CDKAL1: variants seen among roughly 807,000 people sequenced by gnomAD.
CDKAL1 encodes threonylcarbamoyladenosine tRNA methylthiotransferase.
Under a neutral mutation model 68.2 loss-of-function variants are expected in CDKAL1, and 32 were observed. The observed-to-expected ratio is 0.47, with a 90% CI of 0.35 to 0.63. The LOEUF (loss-of-function observed/expected upper bound fraction) is 0.63, where lower values mean the gene tolerates loss of function less well. Ranked by LOEUF, CDKAL1 falls within the 30% of genes least tolerant of loss-of-function variation. CDKAL1 has a pLI of 0.00. For missense variants in CDKAL1, 606 were observed against 696.7 expected (o/e 0.87, Z 1.47); for synonymous variants, 234 against 244.3 (o/e 0.96, Z 0.39).
chr6:20,738,537 A>G (rs1347298027), intron 5 of CDKAL1, among the ~76,000 whole-genome samples: 2 of 133,818 alleles, frequency 1.5e-5, no homozygotes, highest in East Asian at 2.2e-4. Context: ...TGCCCAGGCT[A>G]GAATACAGTG....
At chr6:21,035,902 T>C (rs1323427052) in intron 11 of CDKAL1, among the ~76,000 whole-genome samples, 1 of 152,192 alleles carries the variant, frequency 6.6e-6, no homozygotes, top group Admixed American at 6.5e-5. Context: ...AGATTCTACT[T>C]CCTCTATTTG....
intron 15 of CDKAL1, among the ~76,000 whole-genome samples, chr6:21,202,050 G>T (rs1158838635): frequency 1.3e-5 from 2 of 152,050 alleles, no homozygotes; most frequent in African/African-American, 4.8e-5. Context: ...TTTAATCTGT[G>T]CATAATCTTG....
At chr6:20,911,582 A>T (rs186659644) in intron 9 of CDKAL1, among the ~76,000 whole-genome samples, 2 of 152,358 alleles carry the variant, frequency 1.3e-5, no homozygotes, top group East Asian at 3.9e-4. Context: ...ACATTATTAC[A>T]GACATTCTTA....
At chr6:20,748,496 G>GTTA (rs1773757720) in intron 6 of CDKAL1, among the ~76,000 whole-genome samples, 1 of 137,706 alleles carries the variant, frequency 7.3e-6, no homozygotes, top group African/African-American at 2.7e-5. Flanking sequence ...GCGAGTTGTT[G>GTTA]TGATTGTGCC....
intron 9 of CDKAL1, among the ~76,000 whole-genome samples, chr6:20,943,404 GTTTA>G (rs1226758949): frequency 1.3e-5 from 2 of 148,650 alleles, no homozygotes; most frequent in Non-Finnish European, 3.0e-5. Context: ...GGCTTCTTTT[GTTTA>G]TTCTGATGAA....
At chr6:20,714,378 C>CTTTTTTTTT (rs545162371) in intron 5 of CDKAL1, among the ~76,000 whole-genome samples, 1 of 72,740 alleles carries the variant, frequency 1.4e-5, no homozygotes, top group African/African-American at 4.8e-5. Flanking sequence ...ATTGTCTGTT[C>CTTTTTTTTT]TTTTTTTTTT....
intron 12 of CDKAL1, 82 bp from the exon 13 acceptor site, chr6:21,108,319 A>G (rs1055042126): frequency 1.1e-5 from 9 of 849,140 alleles, no homozygotes; most frequent in Admixed American, 2.3e-5. Flanking sequence ...GTAGAGATAT[A>G]TACACACATG....
At chr6:20,917,143 G>C (rs1365099819) in intron 9 of CDKAL1, among the ~76,000 whole-genome samples, 1 of 152,054 alleles carries the variant, frequency 6.6e-6, no homozygotes, top group African/African-American at 2.4e-5. Context: ...ACCACGCCCA[G>C]CTGATTTTTG....
chr6:21,003,396 A>T (rs2150825080), intron 11 of CDKAL1, among the ~76,000 whole-genome samples: 1 of 136,760 alleles, frequency 7.3e-6, no homozygotes, highest in Non-Finnish European at 1.6e-5. Flanking sequence ...ACACATATAT[A>T]CACACATACC....
intron 9 of CDKAL1, among the ~76,000 whole-genome samples, chr6:20,869,964 A>G (rs1413792781): frequency 2.0e-5 from 3 of 152,192 alleles, no homozygotes; most frequent in African/African-American, 4.8e-5. Context: ...GATTTCTTTA[A>G]TAAGTACAAA....
chr6:21,187,871 G>A (rs1361079080), intron 13 of CDKAL1, among the ~76,000 whole-genome samples: 1 of 152,088 alleles, frequency 6.6e-6, no homozygotes, highest in East Asian at 1.9e-4. Flanking sequence ...ACCTTTTGGG[G>A]ATGGGGAATG....
At chr6:21,170,335 GGTTT>G (rs1777328196) in intron 13 of CDKAL1, among the ~76,000 whole-genome samples, 1 of 152,006 alleles carries the variant, frequency 6.6e-6, no homozygotes, top group Non-Finnish European at 1.5e-5. Context: ...TTGGTTGGTT[GGTTT>G]GTTGGTTTGT....
At chr6:20,802,716 A>G (rs1014667020) in intron 8 of CDKAL1, among the ~76,000 whole-genome samples, 2 of 152,222 alleles carry the variant, frequency 1.3e-5, no homozygotes, top group African/African-American at 4.8e-5. Flanking sequence ...GTAGTTCAGT[A>G]GAAAATTTTG....
At chr6:20,637,618 C>T (rs1767967154) in intron 4 of CDKAL1, among the ~76,000 whole-genome samples, 1 of 152,082 alleles carries the variant, frequency 6.6e-6, no homozygotes, top group Non-Finnish European at 1.5e-5. Context: ...AGAAAAGCTA[C>T]AGTTTTTATG....
chr6:21,067,988 A>G (rs1353829415), intron 12 of CDKAL1, among the ~76,000 whole-genome samples: 1 of 152,066 alleles, frequency 6.6e-6, no homozygotes, highest in Non-Finnish European at 1.5e-5. Flanking sequence ...TTTATTAGCT[A>G]TTTGGGTGTC....
Position 20,967,987 on chromosome 6 carries a change from C to G in CDKAL1, c.909+12402C>G, listed in dbSNP as rs191776946. ...CAAATGTTAATCTTACTGAGGATCCCTTATCTATAAGTTGCTGATCTCTTG... is the reference window on the plus strand; with the variant it reads ...CAAATGTTAATCTTACTGAGGATCCGTTATCTATAAGTTGCTGATCTCTTG... On this transcript the variant is annotated intron_variant, in intron 10 of 15. Transcript: ENST00000274695. 3.0e-3 allele frequency among the ~76,000 whole-genome samples: 461 copies of G among 152,186 alleles called. 1 individual carries two copies. The highest frequency in any genetic ancestry group is 0.017 in the Middle Eastern group (5 of 294).
intron 9 of CDKAL1, among the ~76,000 whole-genome samples, chr6:20,888,165 C>T (rs1166238932): frequency 6.6e-6 from 1 of 151,898 alleles, no homozygotes; most frequent in East Asian, 1.9e-4. Context: ...GTGATGTTCC[C>T]AGCCCTGTGT....
chr6:20,781,024 C>A, intron 7 of CDKAL1, 121 bp from the exon 8 acceptor site: 2 of 957,626 alleles, frequency 2.1e-6, no homozygotes, highest in Non-Finnish European at 3.1e-6. Flanking sequence ...TCACACTTCA[C>A]TCTTCTATGT....
At chr6:20,802,165 G>A (rs1581607984) in intron 8 of CDKAL1, among the ~76,000 whole-genome samples, 1 of 151,814 alleles carries the variant, frequency 6.6e-6, no homozygotes, top group Non-Finnish European at 1.5e-5. Flanking sequence ...GGGTATGTTG[G>A]TGCACGCCTG....
Sources: gnomAD v4.1 joint callset for allele counts (sites outside exome capture counted in the v4.1 genomes callset) on GRCh38, gnomAD v4.1.1 for gene constraint, MANE v1.5 for transcripts, NCBI Gene and HGNC (gene_info 2026-07-23, HGNC 2026-07-21) for gene names.